Variants in BCL2L13 observed in about 807,000 individuals in gnomAD.
BCL2L13 encodes the protein BCL2 like 13.
A neutral mutation model predicts 25.8 loss-of-function variants in BCL2L13; 13 were observed. The observed-to-expected ratio is 0.50, with a 90% CI of 0.33 to 0.80. BCL2L13 has a LOEUF of 0.80. BCL2L13 is among the 30% of genes least tolerant of loss of function. The probability of loss-of-function intolerance (pLI) is 0.02; values close to 1 mark genes in which losing one functional copy is unlikely to be tolerated. For missense variants in BCL2L13, 504 were observed against 574.9 expected (o/e 0.88, Z 1.26); for synonymous variants, 244 against 230.3 (o/e 1.06, Z -0.54).
intron 1 of BCL2L13, among the ~76,000 whole-genome samples, chr22:17,647,340 C>G (rs1317496132): frequency 6.6e-6 from 1 of 152,002 alleles, no homozygotes; most frequent in African/African-American, 2.4e-5. Context: ...GAACTCCTGA[C>G]CTCGTGATCC....
At chr22:17,702,181 C>T in intron 5 of BCL2L13, 62 bp from the exon 6 acceptor site, 10 of 1,277,118 alleles carry the variant, frequency 7.8e-6, no homozygotes, top group Non-Finnish European at 1.1e-5. Context: ...AGTAGTTGAA[C>T]ATATAAAACA....
chr22:17,660,824 C>T (rs1421404420), intron 2 of BCL2L13, among the ~76,000 whole-genome samples: 2 of 146,186 alleles, frequency 1.4e-5, no homozygotes, highest in African/African-American at 2.4e-5. Flanking sequence ...GTCTCGCTCT[C>T]GTCAGGTGGG....
intron 6 of BCL2L13, among the ~76,000 whole-genome samples, chr22:17,725,955 T>C (rs1452955502): frequency 1.3e-5 from 2 of 151,758 alleles, no homozygotes; most frequent in Non-Finnish European, 2.9e-5. Context: ...TAATATTTTG[T>C]GTGCATGAAG....
intron 2 of BCL2L13, among the ~76,000 whole-genome samples, chr22:17,662,813 AAAAAAT>A (rs1392361905): frequency 5.3e-5 from 8 of 152,178 alleles, no homozygotes; most frequent in Non-Finnish European, 8.8e-5. Context: ...AGACTTTCAA[AAAAAAT>A]AAAAATAAAA....
chr22:17,669,028 T>G (rs1194693438), intron 2 of BCL2L13, among the ~76,000 whole-genome samples: 2 of 103,952 alleles, frequency 1.9e-5, no homozygotes, highest in South Asian at 3.5e-4. Flanking sequence ...TCCTGTTTCT[T>G]TCTTTTTTTT....
chr22:17,716,651 G>C lies in BCL2L13; in HGVS notation c.601-10026G>C, dbSNP rs2060953537. Among the ~76,000 whole-genome samples, 4 of 152,334 alleles carry C rather than the reference G, an allele frequency of 2.6e-5. No homozygotes were observed. The South Asian group carries it at 8.3e-4, about 32-fold the overall frequency. ...CCTAGGAAAACATTAATGTGCTCAA[G>C]AAGGGATAATGTATCATTCTAAATA... On this transcript the variant is annotated intron_variant, in intron 6 of 6. Coordinates refer to ENST00000317582, the MANE Select transcript of BCL2L13 (RefSeq NM_015367.4).
intron 2 of BCL2L13, among the ~76,000 whole-genome samples, chr22:17,673,021 A>G (rs193109087): frequency 2.6e-5 from 4 of 152,258 alleles, no homozygotes; most frequent in African/African-American, 9.6e-5. Context: ...TAATAATTCT[A>G]TTTACCAGAA....
At chr22:17,685,382 C>A (rs1052098167) in intron 3 of BCL2L13, among the ~76,000 whole-genome samples, 2 of 151,956 alleles carry the variant, frequency 1.3e-5, no homozygotes, top group African/African-American at 4.8e-5. Flanking sequence ...CCCACCACCA[C>A]GCCCAGCTAA....
At chr22:17,699,682 G>A (rs1435875083) in intron 5 of BCL2L13, among the ~76,000 whole-genome samples, 1 of 152,162 alleles carries the variant, frequency 6.6e-6, no homozygotes, top group African/African-American at 2.4e-5. Flanking sequence ...ACCTAGACAT[G>A]TGAATCGTGG....
At chr22:17,702,703 C>T (rs1440752738) in intron 6 of BCL2L13, 4 of 192,352 alleles carry the variant, frequency 2.1e-5, no homozygotes, top group East Asian at 1.2e-4. Context: ...TTCTTTGACC[C>T]TTGAATTACT....
At chr22:17,633,056 G>A (rs938825713) in intron 1 of BCL2L13, among the ~76,000 whole-genome samples, 2 of 151,974 alleles carry the variant, frequency 1.3e-5, no homozygotes, top group Non-Finnish European at 2.9e-5. Context: ...GCCTGACCAC[G>A]ATTTACTTAT....
chr22:17,691,350 T>G (rs2535703), intron 4 of BCL2L13, among the ~76,000 whole-genome samples: 130,932 of 151,944 alleles, frequency 0.86, 56,603 homozygotes, highest in East Asian at 0.94. Context: ...ACTTTTAAAA[T>G]AATCTTTTTG....
chr22:17,670,506 C>T (rs973319020), intron 2 of BCL2L13, among the ~76,000 whole-genome samples: 2 of 151,642 alleles, frequency 1.3e-5, no homozygotes, highest in Non-Finnish European at 2.9e-5. Flanking sequence ...TCCCAAGTAG[C>T]TGGGATTACA....
At chr22:17,657,914 C>T (rs2058935832) in intron 2 of BCL2L13, among the ~76,000 whole-genome samples, 2 of 148,066 alleles carry the variant, frequency 1.4e-5, no homozygotes, top group African/African-American at 5.0e-5. Context: ...CCTCCGACTG[C>T]CGGGTTCAAG....
At chr22:17,654,206 A>G (rs2058775930) in intron 1 of BCL2L13, among the ~76,000 whole-genome samples, 1 of 139,340 alleles carries the variant, frequency 7.2e-6, no homozygotes, top group African/African-American at 2.7e-5. Context: ...CCTGGGCTCA[A>G]GCAGTTATCC....
At chr22:17,719,038 C>G (rs2061025150) in intron 6 of BCL2L13, among the ~76,000 whole-genome samples, 1 of 151,236 alleles carries the variant, frequency 6.6e-6, no homozygotes. Flanking sequence ...CCTGTAATCC[C>G]AGCTACTTGG....
chr22:17,630,251 G>C (rs1487405838), intron 1 of BCL2L13, among the ~76,000 whole-genome samples: 1 of 143,200 alleles, frequency 7.0e-6, no homozygotes. Context: ...AAATTCCTTT[G>C]TCCCATCAAT....
At chr22:17,704,119 C>T (rs1399845430) in intron 6 of BCL2L13, among the ~76,000 whole-genome samples, 3 of 152,082 alleles carry the variant, frequency 2.0e-5, no homozygotes, top group African/African-American at 7.2e-5. Context: ...AACAGTCTTG[C>T]TCTGTCATCC....
At chr22:17,695,719 C>T (rs1311864331) in intron 4 of BCL2L13, 1 of 152,888 alleles carries the variant, frequency 6.5e-6, no homozygotes, top group Non-Finnish European at 1.5e-5. Flanking sequence ...CTTCCAGTGA[C>T]ATGTCTCTTT....
Sources: allele counts gnomAD v4.1 joint callset (sites outside exome capture counted in the v4.1 genomes callset), GRCh38; gene constraint gnomAD v4.1.1; transcripts MANE v1.5; gene names NCBI Gene and HGNC (gene_info 2026-07-23, HGNC 2026-07-21).